The following PXDN variants were observed in gnomAD, a reference collection of about 807,000 sequenced individuals.
PXDN encodes the protein peroxidasin.
A neutral mutation model predicts 140.3 loss-of-function variants in PXDN; 77 were observed. That is an observed-to-expected ratio of 0.55 (90% CI 0.46 to 0.66). The LOEUF (loss-of-function observed/expected upper bound fraction) is 0.66. Among genes scored for constraint, PXDN ranks in the 30% least tolerant of loss-of-function variants. PXDN has a pLI of 0.00. For synonymous variants in PXDN, 911 were observed against 857.4 expected (o/e 1.06, Z -1.09); for missense variants, 1,838 against 2,039.5 (o/e 0.90, Z 1.90).
chr2:1,661,113 A>T (rs1683294418), intron 13 of PXDN, 76 bp from the exon 14 acceptor site: 2 of 1,543,426 alleles, frequency 1.3e-6, no homozygotes, highest in Non-Finnish European at 1.8e-6. Flanking sequence ...GGGTTGGGGG[A>T]GGGGAGCCAT....
intron 1 of PXDN, among the ~76,000 whole-genome samples, chr2:1,743,218 G>A (rs915171228): frequency 2.0e-5 from 3 of 152,184 alleles, no homozygotes; most frequent in Admixed American, 1.3e-4. Flanking sequence ...ACCGTGACGC[G>A]GGACGGCCCG....
At chr2:1,642,501 C>A (rs975859646) in intron 19 of PXDN, among the ~76,000 whole-genome samples, 1 of 152,176 alleles carries the variant, frequency 6.6e-6, no homozygotes, top group African/African-American at 2.4e-5. Context: ...CGGGATCTGG[C>A]CCCACCTCCC....
intron 1 of PXDN, among the ~76,000 whole-genome samples, chr2:1,711,107 A>G (rs111162155): frequency 1.0e-4 from 3 of 29,488 alleles, no homozygotes; most frequent in African/African-American, 1.6e-4. Context: ...ACTAGCACCC[A>G]CTCCACCAGC....
Position 1,638,925 on chromosome 2 carries a change from C to T in PXDN, c.4127G>A (p.Arg1376His), listed in dbSNP as rs753311470. 109 of 1,613,946 alleles carry T rather than the reference C, an allele frequency of 6.8e-5. No individual in the cohort carries two copies. The highest frequency in any genetic ancestry group is 4.7e-4 in the Admixed American group (28 of 60,032). ...GTCATTTGTCCCAGATGCATCTGAG[C>T]GTGTGCTGAAGGCTGAGGTGCTGTT... Reference protein sequence around the residue: ...LSNSTSAFSTRSDASGTNDFR... With the variant: ...LSNSTSAFSTHSDASGTNDFR... Residue 1376 changes from arginine (R) to histidine (H), a missense_variant, in exon 21 of 23, where the codon CGC (arginine) becomes CAC (histidine). By Grantham distance (29) the Arg-to-His change is conservative. Transcript: ENST00000252804.
At chr2:1,653,144 C>A (rs1683052344) in intron 16 of PXDN, 1 of 238,876 alleles carries the variant, frequency 4.2e-6, no homozygotes, top group South Asian at 6.3e-5. Context: ...GGGGGACATA[C>A]CTCCCCCAAC....
At chr2:1,713,610 G>C (rs896298589) in intron 1 of PXDN, among the ~76,000 whole-genome samples, 1 of 152,220 alleles carries the variant, frequency 6.6e-6, no homozygotes, top group African/African-American at 2.4e-5. Flanking sequence ...CAGGGTGGCC[G>C]CATAGGGGCT....
intron 13 of PXDN, 72 bp downstream of exon 13, chr2:1,662,000 G>T: frequency 1.5e-6 from 2 of 1,352,048 alleles, no homozygotes; most frequent in Non-Finnish European, 2.0e-6. Flanking sequence ...GCTCCAGGTA[G>T]TGGGTGGTGT....
At chr2:1,663,488 G>C in intron 12 of PXDN, 117 bp downstream of exon 12, 1 of 1,395,470 alleles carries the variant, frequency 7.2e-7, no homozygotes, top group Non-Finnish European at 9.8e-7. Flanking sequence ...ACAAAATGCA[G>C]AGAGAACAGC....
chr2:1,725,295 C>T (rs1297512566), intron 1 of PXDN, among the ~76,000 whole-genome samples: 5 of 152,102 alleles, frequency 3.3e-5, no homozygotes. Context: ...TGAACAGAGG[C>T]AGGCAGCAAA....
chr2:1,693,238 A>G, intron 1 of PXDN, 104 bp from the exon 2 acceptor site: 1 of 889,950 alleles, frequency 1.1e-6, no homozygotes, highest in Non-Finnish European at 1.7e-6. Flanking sequence ...CATTTAAAAT[A>G]TTAAACCACC....
intron 1 of PXDN, among the ~76,000 whole-genome samples, chr2:1,694,664 T>C (rs1176784717): frequency 6.6e-6 from 1 of 152,224 alleles, no homozygotes; most frequent in African/African-American, 2.4e-5. Flanking sequence ...GATGAGATTT[T>C]AATTTACATT....
At chr2:1,696,517 G>A (rs1684304725) in intron 1 of PXDN, among the ~76,000 whole-genome samples, 1 of 152,188 alleles carries the variant, frequency 6.6e-6, no homozygotes, top group South Asian at 2.1e-4. Flanking sequence ...AAAGCTCATT[G>A]CATGGACTTA....
intron 18 of PXDN, 129 bp from the exon 19 acceptor site, chr2:1,643,705 C>T (rs1682782232): frequency 1.1e-6 from 1 of 906,906 alleles, no homozygotes; most frequent in Non-Finnish European, 1.7e-6. Context: ...TTAGGTGTCA[C>T]TTAAAAATGG....
At chr2:1,707,142 C>G (rs1330893192) in intron 1 of PXDN, among the ~76,000 whole-genome samples, 1 of 123,674 alleles carries the variant, frequency 8.1e-6, no homozygotes. Context: ...ATCACCTGCC[C>G]CACTAATAAT....
intron 19 of PXDN, among the ~76,000 whole-genome samples, chr2:1,641,540 G>T (rs1350652905): frequency 1.3e-5 from 2 of 152,188 alleles, no homozygotes; most frequent in Non-Finnish European, 2.9e-5. Flanking sequence ...GTATTTTTCT[G>T]CTGTATTTAG....
intron 14 of PXDN, among the ~76,000 whole-genome samples, chr2:1,659,124 C>T (rs926883360): frequency 9.2e-5 from 14 of 152,178 alleles, no homozygotes; most frequent in African/African-American, 2.7e-4. Context: ...TGGGCCAACC[C>T]GAGGGCCCTT....
At chr2:1,665,927 T>A (rs1461608135) in intron 10 of PXDN, among the ~76,000 whole-genome samples, 1 of 151,760 alleles carries the variant, frequency 6.6e-6, no homozygotes, top group Non-Finnish European at 1.5e-5. Flanking sequence ...ACACACACAC[T>A]CTCTCTCTCA....
At chr2:1,679,088 ATGTGTGTGTG>A (rs111613941) in intron 7 of PXDN, among the ~76,000 whole-genome samples, 133 of 148,052 alleles carry the variant, frequency 9.0e-4, no homozygotes, top group Admixed American at 1.5e-3. Context: ...ATGTGCATGC[ATGTGTGTGTG>A]TGTGTGTGTG....
Position 1,653,644 on chromosome 2 carries a change from G to A in PXDN, c.2088C>T (p.Val696=), listed in dbSNP as rs764393857. Residue 696 remains valine, a synonymous_variant, in exon 16 of 23, where the codon GTC becomes GTT. Transcript: ENST00000252804. ...IQEHVQHGLM[V]DLNGTSYHYN... is the part of the protein sequence containing the mutation. Reference sequence around the variant, plus strand: ...GGCACTGACTTGTTCCGTTGAGGTCGACCATCAAGCCATGCTGTACATGCT... The same window carrying A: ...GGCACTGACTTGTTCCGTTGAGGTCAACCATCAAGCCATGCTGTACATGCT... 5.0e-6 allele frequency: 8 copies of A among 1,612,616 alleles called. No individual in the cohort carries two copies. Among genetic ancestry groups the A allele is most frequent in the Admixed American group, 3.3e-5 (2 of 59,880 alleles).
Sources: gnomAD v4.1 joint callset for allele counts (sites outside exome capture counted in the v4.1 genomes callset) on GRCh38, gnomAD v4.1.1 for gene constraint, MANE v1.5 for transcripts, NCBI Gene and HGNC (gene_info 2026-07-23, HGNC 2026-07-21) for gene names.